KCNMA1: variants seen among roughly 807,000 people sequenced by gnomAD.
KCNMA1 encodes the protein potassium calcium-activated channel subfamily M alpha 1, also known as Calcium-activated potassium channel subunit alpha-1.
KCNMA1 carries 29 observed loss-of-function variants against 140.0 expected under a neutral mutation model. That is an observed-to-expected ratio of 0.21 (90% CI 0.15 to 0.28). The LOEUF (loss-of-function observed/expected upper bound fraction) is 0.28, where lower values mean the gene tolerates loss of function less well. Among genes scored for constraint, KCNMA1 ranks in the 10% least tolerant of loss-of-function variants. The pLI is 1.00. For missense variants in KCNMA1, 880 were observed against 1,602.2 expected, an observed-to-expected ratio of 0.55 and a Z score of 7.70; for synonymous variants, 612 against 611.9, an observed-to-expected ratio of 1.00 and a Z score of 0.00.
In KCNMA1 at chr10:77,001,308, T is replaced by G. The variant is rs2086364660; in HGVS notation, c.2266+99A>C. On this transcript the variant is annotated intron_variant, in intron 19 of 27. Coordinates refer to ENST00000286628, the MANE Select transcript of KCNMA1 (RefSeq NM_001161352.2). The stretch of plus-strand genomic sequence containing the variant: ...AGGAGTTCACACTGGGAAGAAGACA[T>G]CAGCCCGACTGACTCAGAACCACAG... 3 of 1,109,060 alleles carry G rather than the reference T, an allele frequency of 2.7e-6. No individual in the cohort carries two copies. The Admixed American group carries it at 6.0e-5, about 22-fold the overall frequency. 68.7% of individuals were successfully genotyped at this position (1,109,060 alleles called of 1,614,324 possible).
At chr10:76,905,391 G>T (rs779680671) in intron 25 of KCNMA1, among the ~76,000 whole-genome samples, 75 of 152,178 alleles carry the variant, frequency 4.9e-4, no homozygotes, top group Non-Finnish European at 8.8e-4. Context: ...GGAAGCTGGT[G>T]GCTTTCAGAA....
At chr10:77,236,350 T>C (rs1165774903) in intron 3 of KCNMA1, among the ~76,000 whole-genome samples, 1 of 152,218 alleles carries the variant, frequency 6.6e-6, no homozygotes, top group African/African-American at 2.4e-5. Context: ...GTGAGTATAA[T>C]AGCCTTCAGT....
chr10:77,101,164 T>C (rs2097088893), intron 9 of KCNMA1, among the ~76,000 whole-genome samples: 1 of 152,130 alleles, frequency 6.6e-6, no homozygotes, highest in South Asian at 2.1e-4. Context: ...GAAGTGCCCA[T>C]GTCCCACGCC....
chr10:76,893,230 A>T (rs2040977061), intron 25 of KCNMA1, among the ~76,000 whole-genome samples: 1 of 152,164 alleles, frequency 6.6e-6, no homozygotes, highest in Non-Finnish European at 1.5e-5. Flanking sequence ...CCTACCCATG[A>T]AGCACTTAGA....
intron 2 of KCNMA1, among the ~76,000 whole-genome samples, chr10:77,307,565 T>C (rs1342956784): frequency 6.6e-6 from 1 of 152,114 alleles, no homozygotes; most frequent in Non-Finnish European, 1.5e-5. Context: ...TGATGTTCAG[T>C]AGATGGAGTC....
chr10:77,012,697 A>G (rs1187849233), intron 17 of KCNMA1: 4 of 711,672 alleles, frequency 5.6e-6, no homozygotes, highest in Non-Finnish European at 9.6e-6. Context: ...GCACTAAATG[A>G]TGGTTTTCTT....
intron 3 of KCNMA1, among the ~76,000 whole-genome samples, chr10:77,228,651 A>G (rs925070600): frequency 6.6e-6 from 1 of 152,254 alleles, no homozygotes; most frequent in Non-Finnish European, 1.5e-5. Context: ...TTGAAGGCAC[A>G]TAAAATTATG....
Position 76,928,286 on chromosome 10 carries a change from C to CGT in KCNMA1, c.2903-13238_2903-13237insAC, listed in dbSNP as rs1287473380. On this transcript the variant is annotated intron_variant, in intron 23 of 27. Transcript: ENST00000286628. ...ACACACACACACACACGAACACGCG[C>CGT]GCGCACACACACACACACACACACG... 1.0e-3 allele frequency among the ~76,000 whole-genome samples: 81 copies of CGT among 77,940 alleles called. No individual in the cohort carries two copies. In the South Asian group the frequency reaches 0.027, roughly 26 times the overall value. 51.1% of individuals were successfully genotyped at this position (77,940 alleles called of 152,430 possible).
At chr10:76,924,293 G>T (rs113498265) in intron 23 of KCNMA1, among the ~76,000 whole-genome samples, 2,631 of 152,126 alleles carry the variant, frequency 0.017, 77 homozygotes, top group African/African-American at 0.06. Flanking sequence ...ATGATAAAAT[G>T]TTTGTGAAAA....
At chr10:77,491,337 C>T (rs2039762143) in intron 1 of KCNMA1, among the ~76,000 whole-genome samples, 1 of 152,036 alleles carries the variant, frequency 6.6e-6, no homozygotes, top group African/African-American at 2.4e-5. Flanking sequence ...ATCGTGTGTC[C>T]GTGCCCTCAG....
At chr10:77,248,403 A>T (rs993321765) in intron 3 of KCNMA1, among the ~76,000 whole-genome samples, 3 of 152,164 alleles carry the variant, frequency 2.0e-5, no homozygotes, top group African/African-American at 4.8e-5. Flanking sequence ...GAGACAAGCC[A>T]TTTCACGCAT....
chr10:77,365,293 CA>C (rs1212953095), intron 2 of KCNMA1, among the ~76,000 whole-genome samples: 1 of 152,184 alleles, frequency 6.6e-6, no homozygotes, highest in Non-Finnish European at 1.5e-5. Context: ...CAACCCAAGA[CA>C]GGCAATGGCA....
At chr10:77,507,891 T>C (rs1017078294) in intron 1 of KCNMA1, among the ~76,000 whole-genome samples, 2 of 152,164 alleles carry the variant, frequency 1.3e-5, no homozygotes, top group Non-Finnish European at 1.5e-5. Context: ...AACAAGTCTG[T>C]GATGTAAATA....
intron 1 of KCNMA1, among the ~76,000 whole-genome samples, chr10:77,509,307 C>T (rs951381756): frequency 2.0e-5 from 3 of 152,002 alleles, no homozygotes; most frequent in African/African-American, 7.3e-5. Flanking sequence ...TTAGTAGAGA[C>T]GGGGTTTGAC....
chr10:77,621,998 T>C (rs1239470767), intron 1 of KCNMA1, among the ~76,000 whole-genome samples: 2 of 152,226 alleles, frequency 1.3e-5, no homozygotes, highest in African/African-American at 4.8e-5. Flanking sequence ...ATGTGGCACA[T>C]GTGCTGTGGT....
At chr10:77,033,522 A>G (rs972391803) in intron 15 of KCNMA1, among the ~76,000 whole-genome samples, 1 of 152,114 alleles carries the variant, frequency 6.6e-6, no homozygotes, top group African/African-American at 2.4e-5. Context: ...TTATAAATAC[A>G]TTACTTGATA....
chr10:77,336,390 C>A (rs1278992424), intron 2 of KCNMA1, among the ~76,000 whole-genome samples: 1 of 148,100 alleles, frequency 6.8e-6, no homozygotes, highest in Admixed American at 6.7e-5. Context: ...AGGTTTCATA[C>A]ACTGTGAAAT....
At chr10:77,378,649 T>C (rs920719680) in intron 2 of KCNMA1, among the ~76,000 whole-genome samples, 1 of 152,214 alleles carries the variant, frequency 6.6e-6, no homozygotes, top group African/African-American at 2.4e-5. Context: ...TTCCTCATTG[T>C]AAAGAGAGCT....
intron 2 of KCNMA1, among the ~76,000 whole-genome samples, chr10:77,331,788 C>G (rs187115790): frequency 4.1e-4 from 62 of 152,178 alleles, no homozygotes; most frequent in Non-Finnish European, 7.6e-4. Flanking sequence ...ATACTCCAGC[C>G]TGGGCAACAG....
Sources: allele counts gnomAD v4.1 joint callset (sites outside exome capture counted in the v4.1 genomes callset), GRCh38; gene constraint gnomAD v4.1.1; transcripts MANE v1.5; gene names NCBI Gene and HGNC (gene_info 2026-07-23, HGNC 2026-07-21).